Variants in CAVIN1 observed in about 807,000 individuals in gnomAD.
CAVIN1 encodes caveolae associated protein 1, also known as caveolae-associated protein 1.
A neutral mutation model predicts 24.0 loss-of-function variants in CAVIN1; 16 were observed. That is an observed-to-expected ratio of 0.67 (90% confidence interval 0.45 to 1.01). CAVIN1 has a LOEUF of 1.01. CAVIN1 is among the 50% of genes least tolerant of loss of function. The pLI, the probability that CAVIN1 is intolerant of heterozygous loss-of-function variation, is 0.00. For synonymous variants in CAVIN1, 256 were observed against 256.4 expected, an observed-to-expected ratio of 1.00 and a Z score of 0.02; for missense variants, 510 against 551.7, an observed-to-expected ratio of 0.92 and a Z score of 0.76.
At chr17:42,419,918 T>TGTGTGTGTGTG (rs2085535086) in intron 1 of CAVIN1, among the ~76,000 whole-genome samples, 3 of 149,448 alleles carry the variant, frequency 2.0e-5, no homozygotes, top group South Asian at 2.1e-4. Flanking sequence ...TGTGTGTGTG[T>TGTGTGTGTGTG]TCAAATGCAA....
chr17:42,404,619 C>A lies in CAVIN1; in HGVS notation c.*68G>T. On this transcript the variant is annotated 3_prime_UTR_variant, in exon 2 of 2. Transcript: ENST00000357037. ...TTAGAAAAATCTCAGCCAGCTCGAG[C>A]CGAGAGAGAATGCGAAAGAGGAAGT... The A allele has an allele frequency of 9.0e-7, 1 of 1,111,740 alleles. No individual in the cohort carries two copies. Among genetic ancestry groups the A allele is most frequent in the Non-Finnish European group, 1.2e-6 (1 of 829,990 alleles). The allele number at this position is 1,111,740 out of a possible 1,614,324, so 68.9% of individuals were successfully genotyped here. A position where few individuals can be genotyped will look rare whatever the true frequency, so the allele number is the denominator to read the frequency against.
intron 1 of CAVIN1, among the ~76,000 whole-genome samples, chr17:42,419,965 C>T (rs1404895625): frequency 6.6e-6 from 1 of 151,416 alleles, no homozygotes; most frequent in Admixed American, 6.6e-5. Flanking sequence ...TAGAAGTTCC[C>T]TGAATTTGGG....
At chr17:42,419,305 G>GTTATTATTATTATTATTA (rs143185919) in intron 1 of CAVIN1, among the ~76,000 whole-genome samples, 7 of 150,096 alleles carry the variant, frequency 4.7e-5, no homozygotes, top group African/African-American at 1.5e-4. Context: ...ATTTATTGTT[G>GTTATTATTATTATTATTA]TTATTATTAT....
intron 1 of CAVIN1, among the ~76,000 whole-genome samples, chr17:42,408,070 C>G (rs1394864111): frequency 6.6e-6 from 1 of 152,006 alleles, no homozygotes; most frequent in Non-Finnish European, 1.5e-5. Flanking sequence ...TCATAACCTC[C>G]CAGACTTAAA....
intron 1 of CAVIN1, among the ~76,000 whole-genome samples, chr17:42,415,736 CA>C (rs1307883028): frequency 1.4e-5 from 2 of 142,082 alleles, no homozygotes; most frequent in Non-Finnish European, 1.5e-5. Context: ...AAACAAAAAA[CA>C]AAAAAAAAGA....
At chr17:42,411,415 T>A in intron 1 of CAVIN1, 1 of 984,902 alleles carries the variant, frequency 1.0e-6, no homozygotes, top group Non-Finnish European at 1.2e-6. Flanking sequence ...ACATTTTTTT[T>A]AAGTTGAGAA....
intron 1 of CAVIN1, among the ~76,000 whole-genome samples, chr17:42,418,001 ATACT>A (rs770878392): frequency 6.6e-6 from 1 of 152,032 alleles, no homozygotes; most frequent in Non-Finnish European, 1.5e-5. Flanking sequence ...AGATACACAA[ATACT>A]TACCATTGTG....
At position 42,403,300 on chromosome 17, in the gene CAVIN1, A is replaced by G. The variant is rs1598569285; in HGVS notation, c.*1387T>C. The G allele has an allele frequency of 6.6e-6, 1 of 151,636 alleles. No homozygotes were observed. Among genetic ancestry groups the G allele is most frequent in the Admixed American group, 6.6e-5 (1 of 15,160 alleles). 9.4% of individuals were successfully genotyped at this position (151,636 alleles called of 1,614,324 possible). A position where few individuals can be genotyped will look rare whatever the true frequency, so the allele number is the denominator to read the frequency against. ...GGCTGCTCTGTGATGTTCTCTCCCC[A>G]CCTCCCCTCCAGCTCTCAACTTGGT... On this transcript the variant is annotated 3_prime_UTR_variant, in exon 2 of 2. Coordinates refer to ENST00000357037, the MANE Select transcript of CAVIN1 (RefSeq NM_012232.6).
chr17:42,411,211 T>TAAAAAAAAAAAAAAAAA (rs1468503843), intron 1 of CAVIN1, among the ~76,000 whole-genome samples: 56 of 45,818 alleles, frequency 1.2e-3, no homozygotes, highest in South Asian at 3.8e-3. Context: ...AAAAAAAAAC[T>TAAAAAAAAAAAAAAAAA]AAAAGGTCTG....
At chr17:42,416,448 G>A (rs553973467) in intron 1 of CAVIN1, among the ~76,000 whole-genome samples, 11 of 151,702 alleles carry the variant, frequency 7.3e-5, no homozygotes, top group African/African-American at 2.7e-4. Context: ...AAATTAGCTG[G>A]GCATGGTGGC....
At chr17:42,420,337 C>A (rs1399046256) in intron 1 of CAVIN1, among the ~76,000 whole-genome samples, 1 of 152,246 alleles carries the variant, frequency 6.6e-6, no homozygotes, top group Non-Finnish European at 1.5e-5. Context: ...GGCCTGCAGA[C>A]CTCTGGGAGG....
chr17:42,409,586 AG>A (rs2085464289), intron 1 of CAVIN1, among the ~76,000 whole-genome samples: 1 of 152,130 alleles, frequency 6.6e-6, no homozygotes, highest in Admixed American at 6.6e-5. Context: ...GATGTCCAAT[AG>A]GCTGGCTCTG....
chr17:42,413,565 GGAAAAA>G (rs1567779234), intron 1 of CAVIN1, among the ~76,000 whole-genome samples: 1,112 of 62,474 alleles, frequency 0.018, 21 homozygotes, highest in African/African-American at 0.052. Flanking sequence ...TCTCAAAAAG[GGAAAAA>G]AAAAAAAAAA....
intron 1 of CAVIN1, chr17:42,412,281 C>T: frequency 2.0e-6 from 2 of 983,650 alleles, no homozygotes; most frequent in African/African-American, 1.8e-5. Flanking sequence ...TTAAATGGGG[C>T]TTGGGGTGGG....
In CAVIN1 at chr17:42,404,395, C is replaced by G. The variant is rs2085429271; in HGVS notation, c.*292G>C. 2 of 281,560 alleles carry G rather than the reference C, an allele frequency of 7.1e-6. No homozygotes were observed. The highest frequency in any genetic ancestry group is 1.3e-5 in the Non-Finnish European group (2 of 150,952). The allele number at this position is 281,560 out of a possible 1,614,324, so 17.4% of individuals were successfully genotyped here. A position where few individuals can be genotyped will look rare whatever the true frequency, so the allele number is the denominator to read the frequency against. On this transcript the variant is annotated 3_prime_UTR_variant, in exon 2 of 2. Transcript: ENST00000357037. ...AGGCAGCCCCCCCAGGGGGGCCTAA[C>G]CGTGGAATCACTGCAATTTCCTCTG...
At chr17:42,420,353 G>A (rs1449808548) in intron 1 of CAVIN1, among the ~76,000 whole-genome samples, 1 of 152,192 alleles carries the variant, frequency 6.6e-6, no homozygotes, top group Non-Finnish European at 1.5e-5. Flanking sequence ...GGAGGAGCAG[G>A]AGCAGCCTCT....
intron 1 of CAVIN1, among the ~76,000 whole-genome samples, chr17:42,413,558 CAAAAAGGGAAAAAAAAAAAAAA>C (rs375334779): frequency 0.034 from 1,938 of 56,994 alleles, 41 homozygotes; most frequent in African/African-American, 0.1. Flanking sequence ...AAGTCTGTCT[CAAAAAGGGAAAAAAAAAAAAAA>C]AAAAAAAAAA....
chr17:42,405,464 G>A, intron 1 of CAVIN1, 76 bp from the exon 2 acceptor site: 4 of 1,480,288 alleles, frequency 2.7e-6, no homozygotes, highest in Admixed American at 1.7e-5. Context: ...GGGTGGTGAC[G>A]ATCCTGGAGA....
At chr17:42,407,989 T>C (rs141815965) in intron 1 of CAVIN1, among the ~76,000 whole-genome samples, 1 of 151,960 alleles carries the variant, frequency 6.6e-6, no homozygotes, top group Non-Finnish European at 1.5e-5. Context: ...TCTTCATCCA[T>C]CTCCACCCAG....
Sources: gnomAD v4.1 joint callset for allele counts (sites outside exome capture counted in the v4.1 genomes callset) on GRCh38, gnomAD v4.1.1 for gene constraint, MANE v1.5 for transcripts, NCBI Gene and HGNC (gene_info 2026-07-23, HGNC 2026-07-21) for gene names.